Variants in LRRC7 observed in about 807,000 individuals in gnomAD.
LRRC7 encodes leucine rich repeat containing 7.
A neutral mutation model predicts 175.7 loss-of-function variants in LRRC7; 23 were observed. The ratio of observed to expected loss-of-function variants is 0.13; its 90% CI spans 0.09 to 0.19. LRRC7 has a LOEUF of 0.19. Among genes scored for constraint, LRRC7 ranks in the 10% least tolerant of loss-of-function variants. The pLI is 1.00. For synonymous variants in LRRC7, 685 were observed against 680.9 expected (o/e 1.01, Z -0.09); for missense variants, 1,354 against 1,904.7 (o/e 0.71, Z 5.38).
At chr1:69,897,778 C>T (rs542131298) in intron 7 of LRRC7, among the ~76,000 whole-genome samples, 9 of 152,230 alleles carry the variant, frequency 5.9e-5, no homozygotes, top group African/African-American at 1.9e-4. Flanking sequence ...CCATGTAGCA[C>T]GATTGAACAT....
intron 10 of LRRC7, among the ~76,000 whole-genome samples, chr1:69,990,204 A>G (rs1654304142): frequency 6.6e-6 from 1 of 152,132 alleles, no homozygotes; most frequent in Non-Finnish European, 1.5e-5. Flanking sequence ...TTGGTAAATT[A>G]AGTAATTTAA....
intron 3 of LRRC7, among the ~76,000 whole-genome samples, chr1:69,788,523 G>A (rs1674754459): frequency 6.6e-6 from 1 of 152,164 alleles, no homozygotes; most frequent in Non-Finnish European, 1.5e-5. Context: ...AGATGTTGTA[G>A]ACTCATACCA....
intron 2 of LRRC7, among the ~76,000 whole-genome samples, chr1:69,698,520 A>G (rs1570406580): frequency 6.6e-6 from 1 of 152,352 alleles, no homozygotes; most frequent in South Asian, 2.1e-4. Flanking sequence ...AAACCCATCT[A>G]GATCTCCTTT....
Position 69,567,945 on chromosome 1 carries a change from G to C in LRRC7, c.-695G>C, listed in dbSNP as rs952244865. 6.6e-6 allele frequency among the ~76,000 whole-genome samples: 1 copy of C among 152,034 alleles called. No individual in the cohort carries two copies. The highest frequency in any genetic ancestry group is 1.5e-5 in the Non-Finnish European group (1 of 68,004). ...CTGCCAATCCTGGCACCTGTGCGCC[G>C]AGCCACTGCACCGAGGAGGACCCTA... On this transcript the variant is annotated 5_prime_UTR_variant, in exon 1 of 27. Transcript: ENST00000651989.
intron 1 of LRRC7, among the ~76,000 whole-genome samples, chr1:69,659,514 C>CAA (rs561697511): frequency 1.8e-4 from 22 of 122,362 alleles, no homozygotes; most frequent in African/African-American, 3.0e-4. Context: ...AACAATCAGC[C>CAA]AAAAAAAAAA....
intron 7 of LRRC7, among the ~76,000 whole-genome samples, chr1:69,929,308 A>G (rs1034234599): frequency 6.6e-6 from 1 of 152,178 alleles, no homozygotes; most frequent in South Asian, 2.1e-4. Flanking sequence ...CAACTGAATG[A>G]TTAACATCTC....
In LRRC7 at chr1:69,792,029, A is replaced by T; in HGVS notation, c.304-14A>T. On this transcript the variant is annotated splice_polypyrimidine_tract_variant and intron_variant, in intron 3 of 26. Coordinates refer to ENST00000651989, the MANE Select transcript of LRRC7 (RefSeq NM_001370785.2). ...CCAAATTGAGATCTAATTAATGATTATTTTCTATTACAGCAATTGTTCAAC... is the reference window on the plus strand; with the variant it reads ...CCAAATTGAGATCTAATTAATGATTTTTTTCTATTACAGCAATTGTTCAAC... 1 of 1,477,984 alleles carries T rather than the reference A, an allele frequency of 6.8e-7. No individual in the cohort carries two copies. The highest frequency in any genetic ancestry group is 9.4e-7 in the Non-Finnish European group (1 of 1,067,544). 91.6% of individuals were successfully genotyped at this position (1,477,984 alleles called of 1,614,324 possible). A position where few individuals can be genotyped will look rare whatever the true frequency, so the allele number is the denominator to read the frequency against.
At chr1:69,852,453 T>C (rs573795223) in intron 7 of LRRC7, among the ~76,000 whole-genome samples, 72 of 152,322 alleles carry the variant, frequency 4.7e-4, no homozygotes, top group African/African-American at 1.6e-3. Context: ...TTATACAACA[T>C]CTGGCTCTTG....
At chr1:70,115,298 T>A (rs1372731716) in intron 26 of LRRC7, among the ~76,000 whole-genome samples, 1 of 152,234 alleles carries the variant, frequency 6.6e-6, no homozygotes, top group African/African-American at 2.4e-5. Flanking sequence ...ATTTTTTGTG[T>A]AAGGTTGCAA....
intron 2 of LRRC7, among the ~76,000 whole-genome samples, chr1:69,696,957 C>T (rs1287595355): frequency 6.6e-6 from 1 of 152,148 alleles, no homozygotes; most frequent in Admixed American, 6.5e-5. Context: ...TATATGAATG[C>T]AAATGGACTA....
intron 8 of LRRC7, among the ~76,000 whole-genome samples, chr1:69,971,481 A>G (rs1570857984): frequency 6.6e-6 from 1 of 152,190 alleles, no homozygotes; most frequent in African/African-American, 2.4e-5. Flanking sequence ...ACCCACAGCG[A>G]CCAAGCGGAG....
chr1:70,023,461 G>C (rs1657734730), intron 17 of LRRC7, 87 bp downstream of exon 17: 1 of 1,310,860 alleles, frequency 7.6e-7, no homozygotes, highest in Non-Finnish European at 1.0e-6. Context: ...TGCATGATTT[G>C]GGGTAAGAAA....
intron 14 of LRRC7, among the ~76,000 whole-genome samples, chr1:70,016,769 A>G (rs959780551): frequency 3.3e-5 from 5 of 152,102 alleles, no homozygotes; most frequent in Admixed American, 2.6e-4. Flanking sequence ...TAATTCTCTG[A>G]GATCTAATAC....
chr1:69,689,981 A>G (rs1236996571), intron 2 of LRRC7, among the ~76,000 whole-genome samples: 1 of 152,198 alleles, frequency 6.6e-6, no homozygotes, highest in Non-Finnish European at 1.5e-5. Flanking sequence ...GAAAATTGAA[A>G]TCAAGTTAAT....
chr1:69,762,792 T>TA (rs1412936411), intron 3 of LRRC7, among the ~76,000 whole-genome samples: 1 of 152,074 alleles, frequency 6.6e-6, no homozygotes. Context: ...TAACAATAAT[T>TA]AAAAATAATA....
At chr1:69,671,330 T>A (rs1373576989) in intron 1 of LRRC7, among the ~76,000 whole-genome samples, 1 of 152,160 alleles carries the variant, frequency 6.6e-6, no homozygotes, top group Non-Finnish European at 1.5e-5. Context: ...TGACTTTGAC[T>A]GGTGCTCTAT....
chr1:69,823,003 A>G (rs1679478399), intron 4 of LRRC7, among the ~76,000 whole-genome samples: 1 of 152,184 alleles, frequency 6.6e-6, no homozygotes, highest in South Asian at 2.1e-4. Flanking sequence ...TTTAGTTGAA[A>G]ATCATTTTCC....
In LRRC7 at chr1:69,865,469, CTTTTTTTTTTTTT is replaced by C. The variant is rs532063540; in HGVS notation, c.647+27199_647+27211del. Among the ~76,000 whole-genome samples the C allele has an allele frequency of 5.9e-5, 3 of 51,266 alleles. 1 individual carries two copies. The highest frequency in any genetic ancestry group is 9.6e-4 in the East Asian group (2 of 2,078). 33.6% of individuals were successfully genotyped at this position (51,266 alleles called of 152,430 possible). On this transcript the variant is annotated intron_variant, in intron 7 of 26. Coordinates refer to ENST00000651989, the MANE Select transcript of LRRC7 (RefSeq NM_001370785.2). The stretch of plus-strand genomic sequence containing the variant: ...ATAAGCAAGCTGCTGAAGACAGTTC[CTTTTTTTTTTTTT>C]TTTTTTTTTTTTGAAACGGAGTCCC...
intron 7 of LRRC7, among the ~76,000 whole-genome samples, chr1:69,895,636 A>G (rs895899425): frequency 2.6e-5 from 4 of 152,288 alleles, no homozygotes; most frequent in Admixed American, 6.5e-5. Flanking sequence ...TCTGCTTTCT[A>G]TCACTATAGA....
Sources: gnomAD v4.1 joint callset for allele counts (sites outside exome capture counted in the v4.1 genomes callset) on GRCh38, gnomAD v4.1.1 for gene constraint, MANE v1.5 for transcripts, NCBI Gene and HGNC (gene_info 2026-07-23, HGNC 2026-07-21) for gene names.